The following PDZRN4 variants were observed in gnomAD, a reference collection of about 807,000 sequenced individuals.
PDZRN4 encodes PDZ domain-containing RING finger protein 4.
A neutral mutation model predicts 99.0 loss-of-function variants in PDZRN4; 70 were observed. That is an observed-to-expected ratio of 0.71 (90% CI 0.58 to 0.86). The LOEUF (loss-of-function observed/expected upper bound fraction) is 0.86, where lower values mean the gene tolerates loss of function less well. PDZRN4 is among the 40% of genes least tolerant of loss of function. The pLI is 0.00. For synonymous variants in PDZRN4, 551 were observed against 501.6 expected (o/e 1.10, Z -1.32); for missense variants, 1,474 against 1,331.2 (o/e 1.11, Z -1.67).
chr12:41,337,179 A>G (rs1428721489), intron 3 of PDZRN4, among the ~76,000 whole-genome samples: 1 of 152,156 alleles, frequency 6.6e-6, no homozygotes, highest in East Asian at 1.9e-4. Flanking sequence ...GGACAGCTTA[A>G]AAGTTAGAAG....
At chr12:41,555,657 G>A in intron 6 of PDZRN4, 41 bp from the exon 7 acceptor site, 1 of 1,490,652 alleles carries the variant, frequency 6.7e-7, no homozygotes, top group South Asian at 1.2e-5. Context: ...TTGAGGGAAT[G>A]TTTCATACCC....
chr12:41,265,565 C>T (rs886438293), intron 3 of PDZRN4, among the ~76,000 whole-genome samples: 3 of 152,098 alleles, frequency 2.0e-5, no homozygotes, highest in African/African-American at 7.2e-5. Context: ...AAACACTAGG[C>T]ATTAAAGAAC....
chr12:41,222,589 G>C (rs1950964323), intron 3 of PDZRN4, among the ~76,000 whole-genome samples: 1 of 152,142 alleles, frequency 6.6e-6, no homozygotes, highest in Admixed American at 6.5e-5. Context: ...TGCAAGCTCA[G>C]CTCACTGCAA....
intron 3 of PDZRN4, among the ~76,000 whole-genome samples, chr12:41,498,196 A>G (rs1400091709): frequency 6.6e-6 from 1 of 151,984 alleles, no homozygotes; most frequent in African/African-American, 2.4e-5. Flanking sequence ...ACAAATAAAC[A>G]TTACATGCCT....
intron 3 of PDZRN4, among the ~76,000 whole-genome samples, chr12:41,326,427 T>A (rs1951709987): frequency 6.6e-6 from 1 of 152,174 alleles, no homozygotes; most frequent in Non-Finnish European, 1.5e-5. Flanking sequence ...CTAAATAAAC[T>A]TCAAATTCCA....
intron 3 of PDZRN4, 81 bp from the exon 4 acceptor site, chr12:41,506,375 T>C: frequency 3.0e-6 from 4 of 1,353,614 alleles, no homozygotes; most frequent in Non-Finnish European, 4.0e-6. Flanking sequence ...TTGAAACCTT[T>C]CTCTCTGTCT....
At chr12:41,464,820 CTTTTT>C (rs5797739) in intron 3 of PDZRN4, among the ~76,000 whole-genome samples, 1 of 104,842 alleles carries the variant, frequency 9.5e-6, no homozygotes, top group African/African-American at 3.7e-5. Context: ...GCCTGTTGTA[CTTTTT>C]TTTTTTTTTT....
At chr12:41,468,983 TG>T (rs1267484008) in intron 3 of PDZRN4, among the ~76,000 whole-genome samples, 1 of 150,004 alleles carries the variant, frequency 6.7e-6, no homozygotes, top group Non-Finnish European at 1.5e-5. Flanking sequence ...CACTCTAGCC[TG>T]GGCGACAGAG....
intron 5 of PDZRN4, among the ~76,000 whole-genome samples, chr12:41,541,191 A>G (rs1938848414): frequency 6.6e-6 from 1 of 151,756 alleles, no homozygotes; most frequent in African/African-American, 2.4e-5. Context: ...TGGCCTTCCA[A>G]CGTGCTGGGA....
chr12:41,486,776 C>T (rs891077503), intron 3 of PDZRN4, among the ~76,000 whole-genome samples: 2 of 152,100 alleles, frequency 1.3e-5, no homozygotes, highest in African/African-American at 4.8e-5. Flanking sequence ...CACATAGTGG[C>T]CTAGGTGTCC....
At chr12:41,267,774 G>C (rs1274589526) in intron 3 of PDZRN4, among the ~76,000 whole-genome samples, 1 of 152,064 alleles carries the variant, frequency 6.6e-6, no homozygotes, top group Admixed American at 6.6e-5. Context: ...CCAGGAGATG[G>C]AGGTTGCAGT....
intron 3 of PDZRN4, among the ~76,000 whole-genome samples, chr12:41,217,294 C>G (rs1460852055): frequency 6.6e-6 from 1 of 152,030 alleles, no homozygotes; most frequent in Non-Finnish European, 1.5e-5. Flanking sequence ...TACTGGGAAG[C>G]TACACAGGGC....
intron 3 of PDZRN4, among the ~76,000 whole-genome samples, chr12:41,353,032 G>T (rs1470674559): frequency 2.0e-5 from 3 of 151,600 alleles, no homozygotes; most frequent in Admixed American, 6.6e-5. Context: ...CCTTAGGTTG[G>T]GTAGATCTGG....
chr12:41,299,343 A>G (rs1951517777), intron 3 of PDZRN4, among the ~76,000 whole-genome samples: 1 of 152,102 alleles, frequency 6.6e-6, no homozygotes, highest in South Asian at 2.1e-4. Context: ...CAATGAGTAG[A>G]GTTAGATTTT....
chr12:41,540,953 C>A (rs1938842233), intron 5 of PDZRN4, among the ~76,000 whole-genome samples: 1 of 151,546 alleles, frequency 6.6e-6, no homozygotes, highest in African/African-American at 2.4e-5. Context: ...GAGACGGAGT[C>A]TCACTCTGTC....
intron 3 of PDZRN4, among the ~76,000 whole-genome samples, chr12:41,453,164 C>T (rs966578371): frequency 1.3e-5 from 2 of 152,046 alleles, no homozygotes; most frequent in African/African-American, 4.8e-5. Flanking sequence ...ATTCAGTTTC[C>T]AGAGTAGGAA....
Position 41,374,081 on chromosome 12 carries a change from C to T in PDZRN4, c.844-132375C>T, listed in dbSNP as rs116304615. 3.1e-3 allele frequency among the ~76,000 whole-genome samples: 473 copies of T among 152,192 alleles called. 5 individuals are homozygous for T. The highest frequency in any genetic ancestry group is 0.011 in the African/African-American group (448 of 41,540). ...TTATGCTTGAACACAAGGGAGACAGCGCTGGAGCGAGAGCTCTTTGGCTAC... is the reference window on the plus strand; with the variant it reads ...TTATGCTTGAACACAAGGGAGACAGTGCTGGAGCGAGAGCTCTTTGGCTAC... On this transcript the variant is annotated intron_variant, in intron 3 of 9. Transcript: ENST00000402685.
chr12:41,385,770 A>C (rs887181405), intron 3 of PDZRN4, among the ~76,000 whole-genome samples: 4 of 152,126 alleles, frequency 2.6e-5, no homozygotes, highest in Non-Finnish European at 5.9e-5. Context: ...CATCCCTGCT[A>C]TTCCAAAAAG....
At chr12:41,454,499 T>A (rs1355060288) in intron 3 of PDZRN4, among the ~76,000 whole-genome samples, 1 of 152,226 alleles carries the variant, frequency 6.6e-6, no homozygotes, top group Non-Finnish European at 1.5e-5. Flanking sequence ...ATGAGACTAG[T>A]TACTTTGGTC....
Sources: gnomAD v4.1 joint callset for allele counts (sites outside exome capture counted in the v4.1 genomes callset) on GRCh38, gnomAD v4.1.1 for gene constraint, MANE v1.5 for transcripts, NCBI Gene and HGNC (gene_info 2026-07-23, HGNC 2026-07-21) for gene names.